The following SCUBE1 variants were observed in gnomAD, a reference collection of about 807,000 sequenced individuals.
SCUBE1 encodes signal peptide, CUB and EGF-like domain-containing protein 1.
In SCUBE1, 59 loss-of-function variants were observed where a neutral mutation model predicts 124.4. The observed-to-expected ratio is 0.47, with a 90% CI of 0.38 to 0.59. SCUBE1 has a LOEUF of 0.59. SCUBE1 is among the 20% of genes least tolerant of loss of function. The pLI is 0.00. For missense variants in SCUBE1, 1,150 were observed against 1,371.2 expected, an observed-to-expected ratio of 0.84 and a Z score of 2.55; for synonymous variants, 545 against 550.9, an observed-to-expected ratio of 0.99 and a Z score of 0.15.
intron 2 of SCUBE1, among the ~76,000 whole-genome samples, 170 bp downstream of exon 2, chr22:43,338,934 G>A (rs915175660): frequency 1.3e-5 from 2 of 152,354 alleles, no homozygotes; most frequent in East Asian, 1.9e-4. Flanking sequence ...CGGCATTTCC[G>A]AAAAGTTCAC....
intron 6 of SCUBE1, among the ~76,000 whole-genome samples, chr22:43,243,953 G>C (rs539804144): frequency 9.2e-5 from 14 of 152,178 alleles, no homozygotes. Flanking sequence ...GAACTTCCCT[G>C]CCCTGCTAGG....
chr22:43,269,771 G>A (rs1198831261), intron 4 of SCUBE1, among the ~76,000 whole-genome samples: 1 of 152,218 alleles, frequency 6.6e-6, no homozygotes, highest in Non-Finnish European at 1.5e-5. Context: ...TCCGCAAGCT[G>A]TCCAAGCCAT....
At chr22:43,340,934 A>C (rs974190144) in intron 1 of SCUBE1, among the ~76,000 whole-genome samples, 3 of 152,100 alleles carry the variant, frequency 2.0e-5, no homozygotes, top group Non-Finnish European at 4.4e-5. Context: ...TCTCCCCTGG[A>C]TAATATCTGG....
At chr22:43,343,146 C>T in intron 1 of SCUBE1, 28 bp downstream of exon 1, 1 of 1,119,828 alleles carries the variant, frequency 8.9e-7, no homozygotes, top group Admixed American at 4.9e-5. Context: ...CCCGCGCCCG[C>T]CGCCCCCCAC....
intron 4 of SCUBE1, among the ~76,000 whole-genome samples, chr22:43,286,537 T>C (rs1020286586): frequency 1.3e-5 from 2 of 152,260 alleles, no homozygotes; most frequent in Non-Finnish European, 2.9e-5. Context: ...GTGTCAGTGC[T>C]GGACCCTCGG....
At chr22:43,293,926 C>T (rs1391230905) in intron 3 of SCUBE1, among the ~76,000 whole-genome samples, 1 of 152,256 alleles carries the variant, frequency 6.6e-6, no homozygotes, top group African/African-American at 2.4e-5. Context: ...GGCCACTCCT[C>T]ACCTCACTGA....
At chr22:43,280,750 C>T (rs1356981180) in intron 4 of SCUBE1, among the ~76,000 whole-genome samples, 6 of 70,864 alleles carry the variant, frequency 8.5e-5, no homozygotes, top group Non-Finnish European at 1.8e-4. Flanking sequence ...GGCCACCCTC[C>T]TGTCACCTCC....
chr22:43,231,514 G>C (rs372501941), intron 8 of SCUBE1, among the ~76,000 whole-genome samples: 150 of 152,218 alleles, frequency 9.9e-4, no homozygotes, highest in African/African-American at 3.6e-3. Context: ...TGATGAGCTG[G>C]GCCACCGGCT....
chr22:43,288,138 C>T (rs749857314), intron 4 of SCUBE1, among the ~76,000 whole-genome samples: 7 of 152,314 alleles, frequency 4.6e-5, no homozygotes, highest in Middle Eastern at 3.4e-3. Flanking sequence ...GGAGAGAAGG[C>T]ACTTCTTTAA....
At chr22:43,248,608 C>G (rs1923312833) in intron 6 of SCUBE1, among the ~76,000 whole-genome samples, 3 of 152,246 alleles carry the variant, frequency 2.0e-5, no homozygotes, top group Non-Finnish European at 4.4e-5. Context: ...GTAGCCTGAC[C>G]ACCTGATCCT....
chr22:43,334,647 A>ATCAACATTATCATCACCACCT (rs1927006168), intron 2 of SCUBE1, among the ~76,000 whole-genome samples: 1 of 152,014 alleles, frequency 6.6e-6, no homozygotes, highest in Non-Finnish European at 1.5e-5. Flanking sequence ...CATCACCACC[A>ATCAACATTATCATCACCACCT]TCAACATTAT....
chr22:43,252,967 C>A (rs970095555), intron 6 of SCUBE1, among the ~76,000 whole-genome samples: 1 of 148,120 alleles, frequency 6.8e-6, no homozygotes, highest in Non-Finnish European at 1.5e-5. Flanking sequence ...AACTCTATAC[C>A]TTGCCTCTAT....
rs775046389 is a variant in SCUBE1, at chr22:43,204,133, T to G, written c.2831A>C (p.Lys944Thr). The G allele has an allele frequency of 7.4e-6, 12 of 1,613,966 alleles. No individual in the cohort carries two copies. The highest frequency in any genetic ancestry group is 1.0e-5 in the Non-Finnish European group (12 of 1,179,984). Residue 944 changes from lysine to threonine, a missense_variant, in exon 22 of 22, where the codon AAG (lysine) becomes ACG (threonine). Around this residue, in one of 3 missense-constraint regions of SCUBE1, gnomAD observed 757 missense variants for 840.9 expected, o/e 0.90. Coordinates refer to ENST00000360835, the MANE Select transcript of SCUBE1 (RefSeq NM_173050.5). ...QEILKDKKLI[K>T]ALFDVLAHPQ... is the part of the protein sequence containing the mutation. ...ATGCGCCAGCACGTCGAAGAGGGCC[T>G]TGATCAGCTTCTTGTCCTGTAAGAT...
intron 3 of SCUBE1, among the ~76,000 whole-genome samples, chr22:43,299,320 C>T (rs1363994136): frequency 6.6e-6 from 1 of 152,126 alleles, no homozygotes; most frequent in East Asian, 1.9e-4. Context: ...CGAACGTACT[C>T]CAGTGACAGC....
chr22:43,311,791 G>A (rs1314988509), intron 3 of SCUBE1, among the ~76,000 whole-genome samples: 2 of 151,998 alleles, frequency 1.3e-5, no homozygotes, highest in Admixed American at 1.3e-4. Flanking sequence ...ATGGACCTAA[G>A]AGCCCTGCGA....
rs1355731355 is a variant in SCUBE1, at chr22:43,201,770, A to G, written c.*2227T>C. The G allele has an allele frequency of 2.0e-5, 3 of 152,106 alleles. No homozygotes were observed. The highest frequency in any genetic ancestry group is 3.8e-4 in the East Asian group (2 of 5,198). 9.4% of individuals were successfully genotyped at this position (152,106 alleles called of 1,614,324 possible). On this transcript the variant is annotated 3_prime_UTR_variant, in exon 22 of 22. Coordinates refer to ENST00000360835, the MANE Select transcript of SCUBE1 (RefSeq NM_173050.5). Reference sequence around the variant, plus strand: ...GCCAGTTCCCATAATGCAGCCCCTCACACATCTACGTCTGTATCCTCTGGG... The same window carrying G: ...GCCAGTTCCCATAATGCAGCCCCTCGCACATCTACGTCTGTATCCTCTGGG...
At chr22:43,276,305 G>A (rs979275637) in intron 4 of SCUBE1, among the ~76,000 whole-genome samples, 1 of 152,210 alleles carries the variant, frequency 6.6e-6, no homozygotes, top group Non-Finnish European at 1.5e-5. Context: ...GGCTGAGGCA[G>A]AGGAGGAGCC....
At position 43,252,598 on chromosome 22, in the gene SCUBE1, C is replaced by T. The variant is rs544308987; in HGVS notation, c.727+5621G>A. ...TGCCTGTCCTACCCTTCTCCCCTCC[C>T]GGAACCCCGAAAGGGGCTCAGGCTG... On this transcript the variant is annotated intron_variant, in intron 6 of 21. Transcript: ENST00000360835. Among the ~76,000 whole-genome samples the T allele has an allele frequency of 4.2e-4, 64 of 152,326 alleles. 1 individual carries two copies. The highest frequency in any genetic ancestry group is 5.7e-4 in the Non-Finnish European group (39 of 68,032).
In SCUBE1 at chr22:43,319,195, T is replaced by C. The variant is rs938168623; in HGVS notation, c.349+742A>G. The stretch of plus-strand genomic sequence containing the variant: ...GAGACAGGGCCTTTAGAGAGATAAT[T>C]AACTTAAAAATGGAGTTTGTAGAGT... On this transcript the variant is annotated intron_variant, in intron 3 of 21. Transcript: ENST00000360835. 5.3e-5 allele frequency among the ~76,000 whole-genome samples: 8 copies of C among 152,160 alleles called. 1 individual carries two copies. The highest frequency in any genetic ancestry group is 1.9e-4 in the East Asian group (1 of 5,174).
Sources: allele counts gnomAD v4.1 joint callset (sites outside exome capture counted in the v4.1 genomes callset), GRCh38; gene constraint gnomAD v4.1.1; regional missense constraint gnomAD v4.1.1; transcripts MANE v1.5; gene names NCBI Gene and HGNC (gene_info 2026-07-23, HGNC 2026-07-21).